CEP41: variants seen among roughly 807,000 people sequenced by gnomAD.
CEP41 encodes the protein centrosomal protein 41.
CEP41 carries 32 observed loss-of-function variants against 44.3 expected under a neutral mutation model. The ratio of observed to expected loss-of-function variants is 0.72; its 90% CI spans 0.54 to 0.97. The LOEUF (loss-of-function observed/expected upper bound fraction) is 0.97. CEP41 is among the 50% of genes least tolerant of loss of function. The pLI is 0.00. For synonymous variants in CEP41, 151 were observed against 168.5 expected, an observed-to-expected ratio of 0.90 and a Z score of 0.80; for missense variants, 432 against 455.2, an observed-to-expected ratio of 0.95 and a Z score of 0.46.
intron 1 of CEP41, among the ~76,000 whole-genome samples, chr7:130,437,475 T>G (rs1177535650): frequency 1.3e-5 from 2 of 151,988 alleles, no homozygotes; most frequent in Non-Finnish European, 1.5e-5. Context: ...AGCAATGTTT[T>G]GCAAGATGCT....
intron 2 of CEP41, among the ~76,000 whole-genome samples, chr7:130,424,029 G>A (rs146736151): frequency 7.7e-4 from 117 of 152,280 alleles, no homozygotes; most frequent in African/African-American, 2.6e-3. Flanking sequence ...CATTTAAAAA[G>A]TAAATGTAAA....
intron 3 of CEP41, among the ~76,000 whole-genome samples, chr7:130,412,872 C>T (rs534348416): frequency 7.2e-5 from 11 of 152,156 alleles, no homozygotes; most frequent in Non-Finnish European, 1.2e-4. Flanking sequence ...TACTTAGTTT[C>T]GCAAGATGAA....
At chr7:130,414,949 G>T (rs1456665472) in intron 3 of CEP41, among the ~76,000 whole-genome samples, 2 of 152,106 alleles carry the variant, frequency 1.3e-5, no homozygotes, top group Non-Finnish European at 1.5e-5. Context: ...TAGGTTCTAA[G>T]TCTGTCTCTC....
intron 1 of CEP41, among the ~76,000 whole-genome samples, chr7:130,438,762 TCCTCA>T (rs1443423327): frequency 6.6e-6 from 1 of 152,172 alleles, no homozygotes. Context: ...ACTGCCATTC[TCCTCA>T]CCTATCTCTC....
rs1554413635 is a variant in CEP41, at chr7:130,394,312, C to T, written c.*4579G>A. On this transcript the variant is annotated 3_prime_UTR_variant, in exon 11 of 11. Transcript: ENST00000223208. Reference sequence around the variant, plus strand: ...ATTTCTACCCGAACCTCAGTCTCCTCATCTGAAAATGGGGGTGCCTGCCTC... The same window carrying T: ...ATTTCTACCCGAACCTCAGTCTCCTTATCTGAAAATGGGGGTGCCTGCCTC... 1 of 454,052 alleles carries T rather than the reference C, an allele frequency of 2.2e-6. No homozygotes were observed. The highest frequency in any genetic ancestry group is 2.3e-5 in the Admixed American group (1 of 42,568). 28.1% of individuals were successfully genotyped at this position (454,052 alleles called of 1,614,324 possible).
At chr7:130,427,603 C>T (rs1318015447) in intron 2 of CEP41, among the ~76,000 whole-genome samples, 1 of 152,136 alleles carries the variant, frequency 6.6e-6, no homozygotes, top group African/African-American at 2.4e-5. Flanking sequence ...TCCGTTACTG[C>T]CAGTTTAAAG....
chr7:130,436,556 A>G (rs1032859655), intron 1 of CEP41, among the ~76,000 whole-genome samples: 2 of 151,920 alleles, frequency 1.3e-5, no homozygotes, highest in Admixed American at 6.6e-5. Flanking sequence ...GCAAATTTCT[A>G]TTTTCTAGTT....
At chr7:130,405,579 AT>A (rs1293878823) in intron 5 of CEP41, among the ~76,000 whole-genome samples, 1 of 152,106 alleles carries the variant, frequency 6.6e-6, no homozygotes, top group Non-Finnish European at 1.5e-5. Flanking sequence ...AATATATGTG[AT>A]TTTTTTGACA....
intron 9 of CEP41, chr7:130,400,464 C>T: frequency 1.6e-6 from 1 of 640,212 alleles, no homozygotes; most frequent in Non-Finnish European, 2.8e-6. Flanking sequence ...CACAAGAAAT[C>T]CTTTTGCTCG....
Position 130,404,707 on chromosome 7 carries a change from G to T in CEP41, c.279C>A (p.Asp93Glu). 1 of 1,605,794 alleles carries T rather than the reference G, an allele frequency of 6.2e-7. No homozygotes were observed. Among genetic ancestry groups the T allele is most frequent in the Non-Finnish European group, 8.5e-7 (1 of 1,172,508 alleles). ...VTAEEIQRLE[D>E]NDSAASDPDA... ...CAGGGTCTGAAGCTGCAGAATCATT[G>T]TCTAATATTTACAAATGAAGAAATA... is the stretch of plus-strand genomic sequence containing the variant. The change falls in exon 6 of 11, where the codon GAC becomes GAA. Residue 93 changes from aspartate (D) to glutamate (E), a missense_variant and splice_region_variant. By Grantham distance (45) the Asp-to-Glu change is conservative. Coordinates refer to ENST00000223208, the MANE Select transcript of CEP41 (RefSeq NM_018718.3).
Position 130,412,203 on chromosome 7 carries a change from T to C in CEP41, c.183A>G (p.Leu61=), listed in dbSNP as rs374591801. 1.9e-6 allele frequency: 3 copies of C among 1,555,332 alleles called. No homozygotes were observed. The highest frequency in any genetic ancestry group is 1.7e-5 in the Admixed American group (1 of 59,958). ...RYKKDELFKR[L]KVTTFAQLII... is the part of the protein sequence containing the mutation. The stretch of plus-strand genomic sequence containing the variant: ...CCAGCTGGGCAAAAGTTGTAACTTT[T>C]AGTCTCTTGAAAAGCTCATCTTTTT... Residue 61 remains leucine (L), a synonymous_variant, in exon 4 of 11, where the codon CTA becomes CTG. Coordinates refer to ENST00000223208, the MANE Select transcript of CEP41 (RefSeq NM_018718.3).
chr7:130,423,400 A>C (rs918342840), intron 2 of CEP41, among the ~76,000 whole-genome samples: 1 of 152,254 alleles, frequency 6.6e-6, no homozygotes, highest in Non-Finnish European at 1.5e-5. Flanking sequence ...TAGGAACATG[A>C]AAATCAAAGC....
intron 1 of CEP41, among the ~76,000 whole-genome samples, chr7:130,438,304 T>C (rs188459744): frequency 3.9e-5 from 6 of 152,326 alleles, no homozygotes; most frequent in Admixed American, 1.3e-4. Flanking sequence ...ATGCCTGTAA[T>C]ACCAGCACTT....
At chr7:130,432,311 G>A (rs1797845054) in intron 1 of CEP41, among the ~76,000 whole-genome samples, 1 of 152,128 alleles carries the variant, frequency 6.6e-6, no homozygotes, top group Non-Finnish European at 1.5e-5. Context: ...TCTTTAAAAT[G>A]TTAAATCAAT....
intron 1 of CEP41, 121 bp downstream of exon 1, chr7:130,440,807 CCCTCCT>C: frequency 3.3e-6 from 3 of 912,886 alleles, no homozygotes; most frequent in East Asian, 2.6e-5. Context: ...GCATCCCGAC[CCCTCCT>C]CACGCCGGCC....
intron 1 of CEP41, among the ~76,000 whole-genome samples, chr7:130,433,163 C>T (rs999793955): frequency 1.3e-5 from 2 of 152,070 alleles, no homozygotes; most frequent in Non-Finnish European, 2.9e-5. Flanking sequence ...ACATTGTTGA[C>T]GGCCCTGGTG....
At chr7:130,439,454 G>A (rs1798073855) in intron 1 of CEP41, among the ~76,000 whole-genome samples, 2 of 152,170 alleles carry the variant, frequency 1.3e-5, no homozygotes, top group Admixed American at 6.5e-5. Flanking sequence ...TGCTGTGCCA[G>A]AGATCTCAAA....
chr7:130,401,776 T>C, intron 8 of CEP41, 105 bp downstream of exon 8: 1 of 774,588 alleles, frequency 1.3e-6, no homozygotes, highest in Non-Finnish European at 2.3e-6. Context: ...AGCCAAATAA[T>C]ATCAAAGGTC....
In CEP41 at chr7:130,395,460, A is replaced by G. The variant is rs2117527063; in HGVS notation, c.*3431T>C. ...GAGAACGTTTTAGAACTGGAGAAAG[A>G]AAGGTTCTTACTGATTATCTTCAGA... On this transcript the variant is annotated 3_prime_UTR_variant, in exon 11 of 11. Transcript: ENST00000223208. The G allele has an allele frequency of 2.2e-6, 1 of 454,156 alleles. No homozygotes were observed. Among genetic ancestry groups the G allele is most frequent in the Non-Finnish European group, 4.4e-6 (1 of 226,796 alleles). 28.1% of individuals were successfully genotyped at this position (454,156 alleles called of 1,614,324 possible).
Sources: gnomAD v4.1 joint callset for allele counts (sites outside exome capture counted in the v4.1 genomes callset) on GRCh38, gnomAD v4.1.1 for gene constraint, MANE v1.5 for transcripts, NCBI Gene and HGNC (gene_info 2026-07-23, HGNC 2026-07-21) for gene names.